The following ARFGEF3 variants were observed in gnomAD, a reference collection of about 807,000 sequenced individuals.
The protein encoded by ARFGEF3 is ARFGEF family member 3, also known as brefeldin A-inhibited guanine nucleotide-exchange protein 3.
In ARFGEF3, 96 loss-of-function variants were observed where a neutral mutation model predicts 221.7. The observed-to-expected ratio is 0.43, with a 90% confidence interval of 0.37 to 0.51. The LOEUF (loss-of-function observed/expected upper bound fraction) is 0.51. Among genes scored for constraint, ARFGEF3 ranks in the 20% least tolerant of loss-of-function variants. The pLI is 0.00. For missense variants in ARFGEF3, 2,410 were observed against 2,789.9 expected (o/e 0.86, Z 3.07); for synonymous variants, 1,145 against 1,126.8 (o/e 1.02, Z -0.32).
At chr6:138,255,411 T>A in intron 9 of ARFGEF3, 25 bp from the exon 10 acceptor site, 1 of 1,535,914 alleles carries the variant, frequency 6.5e-7, no homozygotes, top group African/African-American at 1.4e-5. Context: ...TGGGGAAAGT[T>A]ACTTTTCTCA....
Position 138,217,795 on chromosome 6 carries a change from A to G in ARFGEF3, c.351+7754A>G, listed in dbSNP as rs985168977. 1.9e-5 allele frequency: 15 copies of G among 787,664 alleles called. No homozygotes were observed. In the Admixed American group the frequency reaches 5.3e-4, roughly 28 times the overall value. The allele number at this position is 787,664 out of a possible 1,614,324, so 48.8% of individuals were successfully genotyped here. Reference sequence around the variant, plus strand: ...TAATAGATAATAATCTATGAGTTCAAGATTGAGAAAGATCAACATGGGTTT... The same window carrying G: ...TAATAGATAATAATCTATGAGTTCAGGATTGAGAAAGATCAACATGGGTTT... On this transcript the variant is annotated intron_variant, in intron 4 of 33. Coordinates refer to ENST00000251691, the MANE Select transcript of ARFGEF3 (RefSeq NM_020340.5).
Position 138,308,822 on chromosome 6 carries a change from A to G in ARFGEF3, c.4057A>G (p.Ser1353Gly). 1.2e-6 allele frequency: 2 copies of G among 1,614,008 alleles called. No homozygotes were observed. The highest frequency in any genetic ancestry group is 1.7e-6 in the Non-Finnish European group (2 of 1,179,838). ...CCAGGTCTTTGCTAATGCAGCCACT[A>G]GCTACATCATGTGCCTTATGAAGTT... ...NIQVFANAAT[S>G]YIMCLMKFVK... is the part of the protein sequence containing the mutation. The change falls in exon 24 of 34, where the codon AGC becomes GGC. Residue 1353 changes from serine (S) to glycine (G), a missense_variant. Transcript: ENST00000251691.
chr6:138,194,268 CAAA>C (rs11349885), intron 2 of ARFGEF3, among the ~76,000 whole-genome samples: 12 of 92,942 alleles, frequency 1.3e-4, no homozygotes, highest in Non-Finnish European at 1.7e-4. Flanking sequence ...ACTCCGTCTC[CAAA>C]AAAAAAAAAA....
intron 2 of ARFGEF3, among the ~76,000 whole-genome samples, chr6:138,189,519 A>C (rs1460583298): frequency 6.6e-6 from 1 of 152,230 alleles, no homozygotes; most frequent in Non-Finnish European, 1.5e-5. Flanking sequence ...TTCTTCTGAG[A>C]GTATACAATG....
chr6:138,261,570 G>T lies in ARFGEF3; in HGVS notation c.1148G>T (p.Ser383Ile), dbSNP rs1254524750. 1 of 1,580,542 alleles carries T rather than the reference G, an allele frequency of 6.3e-7. No individual in the cohort carries two copies. Among genetic ancestry groups the T allele is most frequent in the Admixed American group, 1.8e-5 (1 of 55,706 alleles). The part of the protein sequence containing the change: ...PQRLCDLAGP[S>I]STESESRKRS... ...CGTCTCTGTGACTTGGCAGGACCCA[G>T]CTCCACTGAATCAGAGTCCAGAAAA... is the stretch of plus-strand genomic sequence containing the variant. The change falls in exon 11 of 34, where the codon AGC becomes ATC. Residue 383 changes from serine to isoleucine, a missense_variant. Ser to Ile is a moderately radical substitution (Grantham distance 142). Around this residue, in one of 5 missense-constraint regions of ARFGEF3, gnomAD observed 570 missense variants for 586.9 expected, o/e 0.97. Coordinates refer to ENST00000251691, the MANE Select transcript of ARFGEF3 (RefSeq NM_020340.5).
chr6:138,218,170 A>G, intron 4 of ARFGEF3: 2 of 1,613,966 alleles, frequency 1.2e-6, no homozygotes, highest in South Asian at 2.2e-5. Context: ...GCATGGTGTG[A>G]CTGTTCTATG....
chr6:138,284,464 G>T (rs1010779164), intron 14 of ARFGEF3, among the ~76,000 whole-genome samples: 1 of 152,072 alleles, frequency 6.6e-6, no homozygotes, highest in Non-Finnish European at 1.5e-5. Flanking sequence ...GAGGAACTTG[G>T]GGCCTTGGCG....
chr6:138,329,799 A>G (rs1243729416), intron 32 of ARFGEF3, among the ~76,000 whole-genome samples: 6 of 152,154 alleles, frequency 3.9e-5, no homozygotes, highest in East Asian at 1.9e-4. Flanking sequence ...CTATCCCCCA[A>G]TGTGATGTTA....
intron 2 of ARFGEF3, among the ~76,000 whole-genome samples, chr6:138,193,791 G>T (rs1777356965): frequency 6.6e-6 from 1 of 152,102 alleles, no homozygotes; most frequent in Non-Finnish European, 1.5e-5. Context: ...TTATTTGTGA[G>T]CTTTAATAGG....
rs771141803 is a variant in ARFGEF3 at position 138,263,122 on chromosome 6, A to G, written c.1639A>G (p.Thr547Ala). 3 of 1,613,950 alleles carry G rather than the reference A, an allele frequency of 1.9e-6. No individual in the cohort carries two copies. The highest frequency in any genetic ancestry group is 2.2e-5 in the South Asian group (2 of 91,080). The change falls in exon 12 of 34, where the codon ACG becomes GCG. Residue 547 changes from threonine to alanine, a missense_variant. Transcript: ENST00000251691. ...KSPAIPEGKE[T>A]LSKVLETEAV... ...GCCAGCCATCCCAGAGGGTAAGGAG[A>G]CGCTGAGCAAAGTATTGGAAACAGA... is the stretch of plus-strand genomic sequence containing the variant.
At chr6:138,233,028 A>C (rs1778221745) in intron 5 of ARFGEF3, among the ~76,000 whole-genome samples, 2 of 152,126 alleles carry the variant, frequency 1.3e-5, no homozygotes, top group Admixed American at 1.3e-4. Flanking sequence ...CCACCCTTGG[A>C]CCTTTACCGA....
At chr6:138,269,176 G>T (rs761459329) in intron 12 of ARFGEF3, among the ~76,000 whole-genome samples, 1 of 152,208 alleles carries the variant, frequency 6.6e-6, no homozygotes, top group Non-Finnish European at 1.5e-5. Context: ...ACTACCAGGC[G>T]GTGGGCAGCC....
intron 4 of ARFGEF3, among the ~76,000 whole-genome samples, chr6:138,212,211 A>G (rs557267034): frequency 6.6e-6 from 1 of 152,232 alleles, no homozygotes; most frequent in Non-Finnish European, 1.5e-5. Flanking sequence ...ACAGCACATA[A>G]TAGCCACTGT....
At chr6:138,251,270 T>A (rs577901271) in intron 8 of ARFGEF3, among the ~76,000 whole-genome samples, 1 of 152,234 alleles carries the variant, frequency 6.6e-6, no homozygotes, top group African/African-American at 2.4e-5. Flanking sequence ...CTTTCCTGTC[T>A]ATAGTTGTTT....
At chr6:138,186,941 G>C (rs1195640705) in intron 2 of ARFGEF3, among the ~76,000 whole-genome samples, 2 of 75,392 alleles carry the variant, frequency 2.7e-5, no homozygotes, top group Non-Finnish European at 4.9e-5. Flanking sequence ...TTGAGACAGA[G>C]TTTCACTCTT....
At position 138,162,025 on chromosome 6, in the gene ARFGEF3, C is replaced by T; in HGVS notation, c.-62C>T. On this transcript the variant is annotated 5_prime_UTR_variant, in exon 1 of 34. Transcript: ENST00000251691. The surrounding 1 kb of genome is among the most constrained non-coding windows in gnomAD (Gnocchi z 4.7). Reference sequence around the variant, plus strand: ...CCAGGGCCAGGCAGCGGCGGCTTCCCCGGCCCGGCTCGCCCGCGCTTCTCT... The same window carrying T: ...CCAGGGCCAGGCAGCGGCGGCTTCCTCGGCCCGGCTCGCCCGCGCTTCTCT... 2 of 1,314,888 alleles carry T rather than the reference C, an allele frequency of 1.5e-6. No individual in the cohort carries two copies. The highest frequency in any genetic ancestry group is 2.7e-5 in the South Asian group (2 of 73,264). 81.5% of individuals were successfully genotyped at this position (1,314,888 alleles called of 1,614,324 possible).
At chr6:138,314,104 G>T (rs1779877617) in intron 26 of ARFGEF3, among the ~76,000 whole-genome samples, 165 bp downstream of exon 26, 1 of 152,190 alleles carries the variant, frequency 6.6e-6, no homozygotes, top group Non-Finnish European at 1.5e-5. Context: ...ATTTCTTACA[G>T]TTCTGGAGGC....
chr6:138,311,198 C>CCTTTCCTATCATG (rs1779821115), intron 24 of ARFGEF3, among the ~76,000 whole-genome samples: 1 of 152,222 alleles, frequency 6.6e-6, no homozygotes. Flanking sequence ...ATGGTCCCAA[C>CCTTTCCTATCATG]TGTATTTAAC....
chr6:138,228,297 C>T lies in ARFGEF3; in HGVS notation c.352-1487C>T, dbSNP rs191866983. Among the ~76,000 whole-genome samples, 36 of 151,568 alleles carry T rather than the reference C, an allele frequency of 2.4e-4. No individual in the cohort carries two copies. The East Asian group carries it at 5.8e-3, about 25-fold the overall frequency. On this transcript the variant is annotated intron_variant, in intron 4 of 33. Coordinates refer to ENST00000251691, the MANE Select transcript of ARFGEF3 (RefSeq NM_020340.5). The stretch of plus-strand genomic sequence containing the variant: ...GTTCAAGTGATTCTCCTGCCTCAGC[C>T]TCCCGGATAGCTGGGATTACAGGCA...
Sources: allele counts gnomAD v4.1 joint callset (sites outside exome capture counted in the v4.1 genomes callset), GRCh38; gene constraint gnomAD v4.1.1; regional missense constraint gnomAD v4.1.1; non-coding constraint Gnocchi (gnomAD v3.1); transcripts MANE v1.5; gene names NCBI Gene and HGNC (gene_info 2026-07-23, HGNC 2026-07-21).